The following LRRC4C variants were observed in gnomAD, a reference collection of about 807,000 sequenced individuals.
LRRC4C encodes the protein leucine-rich repeat-containing protein 4C.
A neutral mutation model predicts 33.6 loss-of-function variants in LRRC4C; 5 were observed. The observed-to-expected ratio is 0.15, with a 90% confidence interval of 0.08 to 0.31. The LOEUF (loss-of-function observed/expected upper bound fraction) is 0.31, where lower values mean the gene tolerates loss of function less well. Among genes scored for constraint, LRRC4C ranks in the 10% least tolerant of loss-of-function variants. The probability of loss-of-function intolerance (pLI) is 1.00; values close to 1 mark genes in which losing one functional copy is unlikely to be tolerated. For missense variants in LRRC4C, 560 were observed against 796.7 expected (o/e 0.70, Z 3.58); for synonymous variants, 329 against 302.0 (o/e 1.09, Z -0.93).
chr11:41,215,299 C>A (rs929380633), intron 1 of LRRC4C, among the ~76,000 whole-genome samples: 2 of 151,534 alleles, frequency 1.3e-5, no homozygotes, highest in Non-Finnish European at 2.9e-5. Context: ...ACCAGCCTGG[C>A]CAACATGGTG....
chr11:40,807,226 G>C (rs1312018871), intron 2 of LRRC4C, among the ~76,000 whole-genome samples: 1 of 152,132 alleles, frequency 6.6e-6, no homozygotes, highest in African/African-American at 2.4e-5. Context: ...TAGTTGGTCA[G>C]AGATACATTT....
At chr11:41,305,242 C>T (rs1950460210) in intron 1 of LRRC4C, among the ~76,000 whole-genome samples, 1 of 54,042 alleles carries the variant, frequency 1.9e-5, no homozygotes, top group Non-Finnish European at 4.7e-5. Context: ...GGGTCAGCCC[C>T]CCGCCCGGCC....
chr11:40,417,130 T>A (rs1005554498), intron 3 of LRRC4C, among the ~76,000 whole-genome samples: 8 of 152,234 alleles, frequency 5.3e-5, no homozygotes, highest in Non-Finnish European at 1.0e-4. Context: ...TCATTAGCTA[T>A]ATGACCTTGG....
chr11:40,321,633 A>G (rs1945853888), intron 3 of LRRC4C, among the ~76,000 whole-genome samples: 1 of 152,214 alleles, frequency 6.6e-6, no homozygotes, highest in Non-Finnish European at 1.5e-5. Flanking sequence ...GAACTGTGCT[A>G]TGTATCCTGG....
chr11:41,426,983 T>C (rs1482662301), intron 1 of LRRC4C, among the ~76,000 whole-genome samples: 1 of 152,172 alleles, frequency 6.6e-6, no homozygotes, highest in Non-Finnish European at 1.5e-5. Flanking sequence ...AGAACATCAA[T>C]TCTACTGCAG....
chr11:40,331,816 A>T (rs772726330), intron 3 of LRRC4C, among the ~76,000 whole-genome samples: 3 of 152,176 alleles, frequency 2.0e-5, no homozygotes, highest in Non-Finnish European at 2.9e-5. Flanking sequence ...GGACTGAGTT[A>T]TGCCACCCGC....
At chr11:41,075,249 A>G (rs1939062535) in intron 1 of LRRC4C, among the ~76,000 whole-genome samples, 1 of 151,922 alleles carries the variant, frequency 6.6e-6, no homozygotes, top group East Asian at 1.9e-4. Flanking sequence ...CAGCAGTGAA[A>G]GTGAGGGTGA....
chr11:41,354,561 A>C (rs1300356461), intron 1 of LRRC4C, among the ~76,000 whole-genome samples: 2 of 152,058 alleles, frequency 1.3e-5, no homozygotes, highest in Non-Finnish European at 2.9e-5. Context: ...AAAAAAGACT[A>C]AATAGCCAAT....
chr11:41,317,943 G>A (rs1433392398), intron 1 of LRRC4C, among the ~76,000 whole-genome samples: 2 of 151,880 alleles, frequency 1.3e-5, no homozygotes, highest in Admixed American at 6.6e-5. Context: ...GCATAAAATT[G>A]CCCATAGAAT....
chr11:41,230,228 TGTTTTATGG>T (rs1162096959), intron 1 of LRRC4C, among the ~76,000 whole-genome samples: 1 of 152,130 alleles, frequency 6.6e-6, no homozygotes, highest in Non-Finnish European at 1.5e-5. Context: ...ATTGTGAACC[TGTTTTATGG>T]GTTATAGAAC....
chr11:41,007,216 GA>G (rs61413786), intron 1 of LRRC4C, among the ~76,000 whole-genome samples: 12,523 of 151,282 alleles, frequency 0.083, 557 homozygotes, highest in Non-Finnish European at 0.1. Flanking sequence ...CAAAAATCTA[GA>G]AAAAAACAAT....
chr11:41,266,854 A>T (rs1026562778), intron 1 of LRRC4C, among the ~76,000 whole-genome samples: 1 of 152,134 alleles, frequency 6.6e-6, no homozygotes, highest in Non-Finnish European at 1.5e-5. Flanking sequence ...TGCACAACCA[A>T]ATGATAAATG....
At chr11:40,212,978 T>C (rs755078982) in intron 5 of LRRC4C, among the ~76,000 whole-genome samples, 43 of 152,026 alleles carry the variant, frequency 2.8e-4, no homozygotes, top group Non-Finnish European at 3.8e-4. Flanking sequence ...CTACCAAGAA[T>C]GGGAATTAAA....
In LRRC4C at chr11:40,515,070, C is replaced by G. The variant is rs959946407; in HGVS notation, c.-270+133072G>C. Among the ~76,000 whole-genome samples, 19 of 152,170 alleles carry G rather than the reference C, an allele frequency of 1.2e-4. No individual in the cohort carries two copies. The South Asian group carries it at 1.9e-3, about 15-fold the overall frequency. On this transcript the variant is annotated intron_variant, in intron 3 of 6. Coordinates refer to ENST00000528697, the MANE Select transcript of LRRC4C (RefSeq NM_001258419.2). ...TTATGGGGTAAGATCTTTGAATTTA[C>G]TCTAGATTCAGATATTTCATATTCT... is the stretch of plus-strand genomic sequence containing the variant.
At chr11:41,428,629 G>A (rs779988933) in intron 1 of LRRC4C, among the ~76,000 whole-genome samples, 1 of 152,204 alleles carries the variant, frequency 6.6e-6, no homozygotes, top group Non-Finnish European at 1.5e-5. Flanking sequence ...GTTGGTATAC[G>A]TTGTATAGGT....
rs34328057 is a variant in LRRC4C, at chr11:41,215,014, G to GTATATATA, written c.-496+244409_-496+244416dup. ...TTCTCAATTTCTATTTTTTATTCAT[G>GTATATATA]TATATATATATATATATATATATAT... On this transcript the variant is annotated intron_variant, in intron 1 of 6. Coordinates refer to ENST00000528697, the MANE Select transcript of LRRC4C (RefSeq NM_001258419.2). Among the ~76,000 whole-genome samples the GTATATATA allele has an allele frequency of 6.3e-3, 827 of 131,042 alleles. 9 individuals are homozygous for GTATATATA. The highest frequency in any genetic ancestry group is 0.014 in the South Asian group (57 of 4,044). The allele number at this position is 131,042 out of a possible 152,430, so 86.0% of individuals were successfully genotyped here.
Position 41,453,180 on chromosome 11 carries a change from C to T in LRRC4C, c.-496+6251G>A, listed in dbSNP as rs554039082. Reference sequence around the variant, plus strand: ...TTAAGATTTAGTGTTACAGAGAAGACTTTCATTTCTTTACTTTCCTCTGTG... The same window carrying T: ...TTAAGATTTAGTGTTACAGAGAAGATTTTCATTTCTTTACTTTCCTCTGTG... On this transcript the variant is annotated intron_variant, in intron 1 of 6. Coordinates refer to ENST00000528697, the MANE Select transcript of LRRC4C (RefSeq NM_001258419.2). Among the ~76,000 whole-genome samples the T allele has an allele frequency of 3.3e-5, 5 of 152,198 alleles. No homozygotes were observed. The South Asian group carries it at 1.0e-3, about 31-fold the overall frequency.
intron 1 of LRRC4C, among the ~76,000 whole-genome samples, chr11:41,191,005 T>C (rs906543095): frequency 1.3e-5 from 2 of 152,222 alleles, no homozygotes; most frequent in African/African-American, 4.8e-5. Context: ...CTCATCTGTA[T>C]TTCTAATTGA....
chr11:41,292,661 C>T (rs1019596624), intron 1 of LRRC4C, among the ~76,000 whole-genome samples: 2 of 152,062 alleles, frequency 1.3e-5, no homozygotes, highest in Non-Finnish European at 2.9e-5. Context: ...TTATGCCAGT[C>T]AATTATTTGT....
Sources: allele counts gnomAD v4.1 joint callset (sites outside exome capture counted in the v4.1 genomes callset), GRCh38; gene constraint gnomAD v4.1.1; transcripts MANE v1.5; gene names NCBI Gene and HGNC (gene_info 2026-07-23, HGNC 2026-07-21).